MYPN: variants seen among roughly 807,000 people sequenced by gnomAD.
MYPN encodes sarcomeric protein myopalladin, 145 kDa (MYOP).
In MYPN, 63 loss-of-function variants were observed where a neutral mutation model predicts 129.4. The ratio of observed to expected loss-of-function variants is 0.49; its 90% CI spans 0.40 to 0.60. The LOEUF is 0.60. MYPN is among the 20% of genes least tolerant of loss of function. The pLI, the probability that MYPN is intolerant of heterozygous loss-of-function variation, is 0.00. For missense variants in MYPN, 1,596 were observed against 1,635.4 expected (o/e 0.98, Z 0.42); for synonymous variants, 629 against 600.9 (o/e 1.05, Z -0.68).
intron 2 of MYPN, among the ~76,000 whole-genome samples, chr10:68,127,421 G>A (rs1048447550): frequency 2.3e-4 from 30 of 129,842 alleles, no homozygotes; most frequent in African/African-American, 8.0e-4. Context: ...TGCAACCTCC[G>A]CCTCCTGGGT....
At chr10:68,115,897 A>G (rs946041856) in intron 1 of MYPN, among the ~76,000 whole-genome samples, 4 of 152,192 alleles carry the variant, frequency 2.6e-5, no homozygotes, top group Non-Finnish European at 5.9e-5. Context: ...TCTGTCAGGA[A>G]CATTTTTTTT....
intron 12 of MYPN, among the ~76,000 whole-genome samples, chr10:68,182,872 C>G (rs758212392): frequency 8.5e-5 from 13 of 152,070 alleles, no homozygotes; most frequent in Non-Finnish European, 1.5e-4. Context: ...ACTTGGAGTA[C>G]TGGTTAAGAT....
intron 10 of MYPN, among the ~76,000 whole-genome samples, chr10:68,173,550 G>A (rs1457143090): frequency 6.6e-6 from 1 of 151,784 alleles, no homozygotes; most frequent in African/African-American, 2.4e-5. Context: ...CTCTGGTTGT[G>A]TGTTCTTTAT....
At chr10:68,162,272 A>T (rs2042990615) in intron 8 of MYPN, 1 of 152,114 alleles carries the variant, frequency 6.6e-6, no homozygotes, top group South Asian at 2.1e-4. Context: ...AATACCTCAC[A>T]TGAATGCAGC....
At chr10:68,144,020 G>A (rs750536619) in intron 3 of MYPN, among the ~76,000 whole-genome samples, 18 of 152,138 alleles carry the variant, frequency 1.2e-4, no homozygotes, top group South Asian at 1.0e-3. Flanking sequence ...CTCCCAAAGT[G>A]CTGGGATTAT....
At chr10:68,200,742 A>G (rs1367262270) in intron 17 of MYPN, among the ~76,000 whole-genome samples, 2 of 151,788 alleles carry the variant, frequency 1.3e-5, no homozygotes, top group African/African-American at 4.8e-5. Context: ...TGGGTGACAG[A>G]GCAAGACTCC....
chr10:68,205,594 CA>C (rs1174009942), intron 18 of MYPN, among the ~76,000 whole-genome samples: 4 of 151,254 alleles, frequency 2.6e-5, no homozygotes, highest in African/African-American at 9.7e-5. Flanking sequence ...AGCTGAGGCA[CA>C]AGAGTCTCTT....
At chr10:68,170,943 G>T (rs2043134381) in intron 10 of MYPN, among the ~76,000 whole-genome samples, 1 of 152,076 alleles carries the variant, frequency 6.6e-6, no homozygotes, top group Non-Finnish European at 1.5e-5. Context: ...GAGGTCAGGA[G>T]TTCTAGACTA....
At chr10:68,115,657 T>G (rs924429670) in intron 1 of MYPN, among the ~76,000 whole-genome samples, 1 of 152,198 alleles carries the variant, frequency 6.6e-6, no homozygotes, top group Non-Finnish European at 1.5e-5. Flanking sequence ...TGATGGAACT[T>G]TTTCAAAACC....
At chr10:68,200,975 A>G (rs943630306) in intron 17 of MYPN, among the ~76,000 whole-genome samples, 2 of 152,200 alleles carry the variant, frequency 1.3e-5, no homozygotes, top group Non-Finnish European at 2.9e-5. Flanking sequence ...GAACCCTAAG[A>G]CATGAGGTAC....
At chr10:68,202,209 G>A (rs1248619294) in intron 18 of MYPN, among the ~76,000 whole-genome samples, 1 of 152,216 alleles carries the variant, frequency 6.6e-6, no homozygotes, top group Non-Finnish European at 1.5e-5. Flanking sequence ...AAGGCGGGTG[G>A]ATCACGAGGT....
intron 2 of MYPN, among the ~76,000 whole-genome samples, chr10:68,123,851 A>G (rs1468579760): frequency 6.6e-6 from 1 of 152,212 alleles, no homozygotes; most frequent in Non-Finnish European, 1.5e-5. Flanking sequence ...AAAGGTCTCT[A>G]TGCAATGAAT....
At chr10:68,151,294 G>A (rs2042765720) in intron 6 of MYPN, among the ~76,000 whole-genome samples, 1 of 152,158 alleles carries the variant, frequency 6.6e-6, no homozygotes, top group Admixed American at 6.5e-5. Flanking sequence ...GTGGAGTCTA[G>A]AGCGAACAAC....
intron 1 of MYPN, among the ~76,000 whole-genome samples, chr10:68,113,619 C>T (rs932689896): frequency 6.6e-6 from 1 of 151,662 alleles, no homozygotes; most frequent in Admixed American, 6.6e-5. Flanking sequence ...ATTGCTTGAG[C>T]CCCAAAGCTC....
chr10:68,123,683 C>CAATA (rs58776013), intron 2 of MYPN, among the ~76,000 whole-genome samples: 24,954 of 139,460 alleles, frequency 0.18, 2,690 homozygotes, highest in African/African-American at 0.3. Context: ...GAGACTCCTT[C>CAATA]AATAAATAAA....
rs754754810 is a variant in MYPN at position 68,121,517 on chromosome 10, C to G, written c.79C>G (p.Arg27Gly). The change falls in exon 2 of 20, where the codon CGG becomes GGG. Residue 27 changes from arginine to glycine, a missense_variant. By Grantham distance (125) the Arg-to-Gly change is moderately radical. Coordinates refer to ENST00000358913, the MANE Select transcript of MYPN (RefSeq NM_032578.4). Reference protein sequence around the residue: ...RESYLAETRHRGNNERSRAEP... With the variant: ...RESYLAETRHGGNNERSRAEP... ...GAGCTATTTAGCTGAAACCAGACAT[C>G]GGGGAAACAATGAGAGGAGTCGAGC... is the stretch of plus-strand genomic sequence containing the variant. 3 of 1,614,048 alleles carry G rather than the reference C, an allele frequency of 1.9e-6. No homozygotes were observed. Among genetic ancestry groups the G allele is most frequent in the South Asian group, 2.2e-5 (2 of 91,078 alleles).
At chr10:68,163,698 C>A (rs2043012918) in intron 8 of MYPN, among the ~76,000 whole-genome samples, 1 of 152,078 alleles carries the variant, frequency 6.6e-6, no homozygotes, top group South Asian at 2.1e-4. Context: ...CAAATCAATT[C>A]TTAAACAGTC....
chr10:68,125,803 A>G (rs1255611584), intron 2 of MYPN, among the ~76,000 whole-genome samples: 1 of 152,240 alleles, frequency 6.6e-6, no homozygotes, highest in Non-Finnish European at 1.5e-5. Flanking sequence ...TTGAGTTACT[A>G]AAGTGATTCA....
At chr10:68,094,592 A>G (rs1262687874) in intron 1 of MYPN, among the ~76,000 whole-genome samples, 3 of 152,068 alleles carry the variant, frequency 2.0e-5, no homozygotes, top group Non-Finnish European at 2.9e-5. Flanking sequence ...CCCAGCCCCT[A>G]TTCGAGATGG....
Sources: gnomAD v4.1 joint callset for allele counts (sites outside exome capture counted in the v4.1 genomes callset) on GRCh38, gnomAD v4.1.1 for gene constraint, MANE v1.5 for transcripts, NCBI Gene and HGNC (gene_info 2026-07-23, HGNC 2026-07-21) for gene names.